MYNN: variants seen among roughly 807,000 people sequenced by gnomAD.
The protein encoded by MYNN is zinc finger and BTB domain-containing protein 31.
Under a neutral mutation model 57.2 loss-of-function variants are expected in MYNN, and 22 were observed. The observed-to-expected ratio is 0.38, with a 90% CI of 0.27 to 0.55. The LOEUF (loss-of-function observed/expected upper bound fraction) is 0.55. Ranked by LOEUF, MYNN falls within the 20% of genes least tolerant of loss-of-function variation. The pLI is 0.71. For missense variants in MYNN, 566 were observed against 723.1 expected (o/e 0.78, Z 2.49); for synonymous variants, 241 against 257.1 (o/e 0.94, Z 0.60).
rs1437917783 is a variant in MYNN, at chr3:169,787,759, G to A, written c.*1081G>A. ...TTTTATAAATTAAACCACAACTTTT[G>A]GTGGTGGTTGTAGTTTCACAATGGT... On this transcript the variant is annotated 3_prime_UTR_variant, in exon 8 of 8. Coordinates refer to ENST00000349841, the MANE Select transcript of MYNN (RefSeq NM_018657.5). The A allele has an allele frequency of 1.3e-5, 2 of 151,974 alleles. No individual in the cohort carries two copies. Among genetic ancestry groups the A allele is most frequent in the African/African-American group, 4.8e-5 (2 of 41,390 alleles). The allele number at this position is 151,974 out of a possible 1,614,324, so 9.4% of individuals were successfully genotyped here. A position where few individuals can be genotyped will look rare whatever the true frequency, so the allele number is the denominator to read the frequency against.
intron 4 of MYNN, among the ~76,000 whole-genome samples, chr3:169,781,307 G>A (rs1778509236): frequency 6.6e-6 from 1 of 152,260 alleles, no homozygotes; most frequent in East Asian, 1.9e-4. Context: ...GGAAGTGCAG[G>A]AATTTACGAG....
chr3:169,782,043 G>A lies in MYNN; in HGVS notation c.1221-422G>A, dbSNP rs1778533769. On this transcript the variant is annotated intron_variant, in intron 4 of 7. Coordinates refer to ENST00000349841, the MANE Select transcript of MYNN (RefSeq NM_018657.5). This position sits in a 1 kb window ranked among gnomAD's most constrained non-coding sequence, Gnocchi z 4.8. ...AGTAGGATCTCAAGTATACAAATTG[G>A]AATTGATGGATTCAGATGAACTGTC... Among the ~76,000 whole-genome samples the A allele has an allele frequency of 2.0e-5, 3 of 152,126 alleles. No homozygotes were observed. The highest frequency in any genetic ancestry group is 7.2e-5 in the African/African-American group (3 of 41,424).
chr3:169,786,686 A>T lies in MYNN; in HGVS notation c.*8A>T. On this transcript the variant is annotated 3_prime_UTR_variant, in exon 8 of 8. Transcript: ENST00000349841. ...TTACAACAATTATACTGACTTTGTA[A>T]GGAATATGGAATTGCTAAGATATCA... 6.2e-7 allele frequency: 1 copy of T among 1,608,518 alleles called. No homozygotes were observed. The highest frequency in any genetic ancestry group is 8.5e-7 in the Non-Finnish European group (1 of 1,176,398).
chr3:169,777,518 C>T (rs1778384730), intron 2 of MYNN: 1 of 151,494 alleles, frequency 6.6e-6, no homozygotes, highest in African/African-American at 2.4e-5. Flanking sequence ...TCCTCAAATA[C>T]TTATAACAGT....
At chr3:169,776,694 ATTTTTTTT>A (rs10681957) in intron 2 of MYNN, among the ~76,000 whole-genome samples, 24 of 105,626 alleles carry the variant, frequency 2.3e-4, no homozygotes, top group Non-Finnish European at 3.8e-4. Flanking sequence ...TGTTGAACAA[ATTTTTTTT>A]TTTTTTTTTT....
rs148970778 is a variant in MYNN at position 169,786,444 on chromosome 3, A to G, written c.1599A>G (p.Ala533=). 9.3e-6 allele frequency: 15 copies of G among 1,613,298 alleles called. No individual in the cohort carries two copies. The African/African-American group carries it at 1.7e-4, about 19-fold the overall frequency. ...CAGATAAAACTCTAGACTCCAGTGC[A>G]GAGGATCATACTTTGAGTGAACAGG... ...SGADKTLDSS[A]EDHTLSEQDS... The change falls in exon 8 of 8, where the codon GCA becomes GCG. Residue 533 remains alanine (A), a synonymous_variant. Coordinates refer to ENST00000349841, the MANE Select transcript of MYNN (RefSeq NM_018657.5).
Position 169,779,568 on chromosome 3 carries a change from C to G in MYNN, c.1060+7C>G, listed in dbSNP as rs755650950. 1.2e-6 allele frequency: 2 copies of G among 1,609,980 alleles called. No individual in the cohort carries two copies. The highest frequency in any genetic ancestry group is 3.3e-5 in the Admixed American group (2 of 59,732). ...CATGTAAGAACTCATACAGGTGAGA[C>G]GGGTGTGTGGGGAGATATTATTTTT... On this transcript the variant is annotated splice_region_variant and intron_variant, in intron 3 of 7. Transcript: ENST00000349841.
intron 7 of MYNN, among the ~76,000 whole-genome samples, chr3:169,784,934 G>T (rs1278560009): frequency 3.5e-5 from 5 of 143,142 alleles, no homozygotes; most frequent in African/African-American, 1.0e-4. Flanking sequence ...AAAAAAACTT[G>T]AAACATTTCC....
At chr3:169,785,062 GA>G (rs199983098) in intron 7 of MYNN, among the ~76,000 whole-genome samples, 1 of 91,770 alleles carries the variant, frequency 1.1e-5, no homozygotes, top group African/African-American at 4.1e-5. Context: ...TGGTTATTAT[GA>G]AAAAAAAGGG....
chr3:169,779,580 G>A lies in MYNN; in HGVS notation c.1060+19G>A, dbSNP rs1778450256. 6.2e-7 allele frequency: 1 copy of A among 1,602,712 alleles called. No individual in the cohort carries two copies. Among genetic ancestry groups the A allele is most frequent in the East Asian group, 2.2e-5 (1 of 44,764 alleles). On this transcript the variant is annotated intron_variant, in intron 3 of 7. Transcript: ENST00000349841. ...CATACAGGTGAGACGGGTGTGTGGG[G>A]AGATATTATTTTTATACTGTGACTA...
In MYNN at chr3:169,786,866, TC is replaced by T; in HGVS notation, c.*190del. On this transcript the variant is annotated 3_prime_UTR_variant, in exon 8 of 8. Transcript: ENST00000349841. ...TTTATTTTTGGCTTTATGTCTATACTCCACAGAGAGCTTTTTAAGTAATGAA... is the reference window on the plus strand; with the variant it reads ...TTTATTTTTGGCTTTATGTCTATACTCACAGAGAGCTTTTTAAGTAATGAA... 1 of 578,798 alleles carries T rather than the reference TC, an allele frequency of 1.7e-6. No individual in the cohort carries two copies. Among genetic ancestry groups the T allele is most frequent in the Non-Finnish European group, 3.0e-6 (1 of 331,598 alleles). The allele number at this position is 578,798 out of a possible 1,614,324, so 35.9% of individuals were successfully genotyped here. A position where few individuals can be genotyped will look rare whatever the true frequency, so the allele number is the denominator to read the frequency against.
chr3:169,775,894 T>C (rs1778325591), intron 2 of MYNN, among the ~76,000 whole-genome samples: 1 of 152,208 alleles, frequency 6.6e-6, no homozygotes, highest in Admixed American at 6.5e-5. Context: ...GGGTGCTCAT[T>C]AATCCTTTTG....
Position 169,786,582 on chromosome 3 carries a change from C to G in MYNN, c.1737C>G (p.Val579=), listed in dbSNP as rs750397700. Residue 579 remains valine, a synonymous_variant, in exon 8 of 8, where the codon GTC becomes GTG. Coordinates refer to ENST00000349841, the MANE Select transcript of MYNN (RefSeq NM_018657.5). ...GTEDHHMLLP[V]TDTQSPTSDT... The stretch of plus-strand genomic sequence containing the variant: ...AGGACCATCACATGCTTCTGCCTGT[C>G]ACGGATACTCAGTCTCCTACATCAG... 18 of 1,613,496 alleles carry G rather than the reference C, an allele frequency of 1.1e-5. No individual in the cohort carries two copies. The African/African-American group carries it at 2.1e-4, about 19-fold the overall frequency.
Position 169,782,472 on chromosome 3 carries a change from A to T in MYNN, c.1228A>T (p.Ser410Cys). The change falls in exon 5 of 8, where the codon AGT becomes TGT. Residue 410 changes from serine to cysteine, a missense_variant. Physicochemically the swap from Ser to Cys is moderately radical, Grantham distance 112. Transcript: ENST00000349841. This position sits in a 1 kb window ranked among gnomAD's most constrained non-coding sequence, Gnocchi z 4.8. ...AACTTTATTTACTAACAGGAAGCAT[A>T]GTGGAGAGAAGCCATATGTCTGTGA... ...SNLKIHARKH[S>C]GEKPYVCDRC... 1 of 1,609,414 alleles carries T rather than the reference A, an allele frequency of 6.2e-7. No individual in the cohort carries two copies. Among genetic ancestry groups the T allele is most frequent in the Non-Finnish European group, 8.5e-7 (1 of 1,178,040 alleles).
Position 169,774,388 on chromosome 3 carries a change from G to A in MYNN, c.93G>A (p.Gly31=). The A allele has an allele frequency of 6.2e-7, 1 of 1,614,104 alleles. No homozygotes were observed. The highest frequency in any genetic ancestry group is 8.5e-7 in the Non-Finnish European group (1 of 1,180,004). Residue 31 remains glycine, a synonymous_variant, in exon 2 of 8, where the codon GGG becomes GGA. Coordinates refer to ENST00000349841, the MANE Select transcript of MYNN (RefSeq NM_018657.5). Reference sequence around the variant, plus strand: ...TCTGTGACTGTACCATAGTGATTGGGGAATTCCAGTTTAAAGCTCATAGGA... The same window carrying A: ...TCTGTGACTGTACCATAGTGATTGGAGAATTCCAGTTTAAAGCTCATAGGA... ...GFLCDCTIVI[G]EFQFKAHRNV... is the part of the protein sequence containing the mutation.
rs1026722705 is a variant in MYNN at position 169,788,923 on chromosome 3, TAA to T, written c.*2246_*2247del. 3 of 152,184 alleles carry T rather than the reference TAA, an allele frequency of 2.0e-5. No homozygotes were observed. The highest frequency in any genetic ancestry group is 2.9e-5 in the Non-Finnish European group (2 of 68,008). 9.4% of individuals were successfully genotyped at this position (152,184 alleles called of 1,614,324 possible). ...GTATCTGGTATCATTCTAACACTCA[TAA>T]CTACCATTTTAGTTAAGTCCAACTT... On this transcript the variant is annotated 3_prime_UTR_variant, in exon 8 of 8. Coordinates refer to ENST00000349841, the MANE Select transcript of MYNN (RefSeq NM_018657.5).
At position 169,788,556 on chromosome 3, in the gene MYNN, C is replaced by CA. The variant is rs1577404681; in HGVS notation, c.*1884dup. ...TTCGTTAATCCAAGCATCTAATGAACAAAAAACTGCTACAGTGACGTCATA... is the reference window on the plus strand; with the variant it reads ...TTCGTTAATCCAAGCATCTAATGAACAAAAAAACTGCTACAGTGACGTCATA... On this transcript the variant is annotated 3_prime_UTR_variant, in exon 8 of 8. Transcript: ENST00000349841. 1 of 152,098 alleles carries CA rather than the reference C, an allele frequency of 6.6e-6. No individual in the cohort carries two copies. The highest frequency in any genetic ancestry group is 2.4e-5 in the African/African-American group (1 of 41,438). The allele number at this position is 152,098 out of a possible 1,614,324, so 9.4% of individuals were successfully genotyped here.
At chr3:169,776,684 T>A (rs1478581427) in intron 2 of MYNN, among the ~76,000 whole-genome samples, 1 of 151,134 alleles carries the variant, frequency 6.6e-6, no homozygotes, top group African/African-American at 2.4e-5. Context: ...ACCATTTCAA[T>A]GTTGAACAAA....
rs13314293 is a variant in MYNN, at chr3:169,778,743, G to A, written c.267-25G>A. On this transcript the variant is annotated intron_variant, in intron 2 of 7. Coordinates refer to ENST00000349841, the MANE Select transcript of MYNN (RefSeq NM_018657.5). ...AAAGTTTTTCTTTGATCAGAATATT[G>A]TCATGTAGCCTTGTTTCCTTGCAGT... 4,862 of 1,554,836 alleles carry A rather than the reference G, an allele frequency of 3.1e-3. 110 individuals carry two copies. In the African/African-American group the frequency reaches 0.06, roughly 19 times the overall value.
Sources: allele counts gnomAD v4.1 joint callset (sites outside exome capture counted in the v4.1 genomes callset), GRCh38; gene constraint gnomAD v4.1.1; non-coding constraint Gnocchi (gnomAD v3.1); transcripts MANE v1.5; gene names NCBI Gene and HGNC (gene_info 2026-07-23, HGNC 2026-07-21).